The following DPP6 variants were observed in gnomAD, a reference collection of about 807,000 sequenced individuals.
The protein encoded by DPP6 is A-type potassium channel modulatory protein DPP6.
In DPP6, 69 loss-of-function variants were observed where a neutral mutation model predicts 122.6. That is an observed-to-expected ratio of 0.56 (90% CI 0.46 to 0.69). The LOEUF (loss-of-function observed/expected upper bound fraction) is 0.69. Ranked by LOEUF, DPP6 falls within the 30% of genes least tolerant of loss-of-function variation. The probability of loss-of-function intolerance (pLI) is 0.00; values close to 1 mark genes in which losing one functional copy is unlikely to be tolerated. For synonymous variants in DPP6, 418 were observed against 433.1 expected (o/e 0.97, Z 0.43); for missense variants, 928 against 1,116.9 (o/e 0.83, Z 2.41).
chr7:153,973,578 G>A (rs1230652012), intron 1 of DPP6, among the ~76,000 whole-genome samples: 3 of 151,882 alleles, frequency 2.0e-5, no homozygotes, highest in Non-Finnish European at 4.4e-5. Flanking sequence ...CAAGCAACAG[G>A]GGTGGGAGTC....
intron 1 of DPP6, among the ~76,000 whole-genome samples, chr7:154,220,755 C>T (rs1800257889): frequency 6.6e-6 from 1 of 152,104 alleles, no homozygotes; most frequent in Non-Finnish European, 1.5e-5. Context: ...GTTATAGCAG[C>T]ATGAATGGAC....
At chr7:154,662,378 T>C (rs34954125) in intron 6 of DPP6, among the ~76,000 whole-genome samples, 8,381 of 136,406 alleles carry the variant, frequency 0.061, no homozygotes, top group Non-Finnish European at 0.095. Flanking sequence ...CATGGCGTAT[T>C]GGCCCTAGTG....
chr7:154,329,086 A>G (rs1808694838), intron 1 of DPP6, among the ~76,000 whole-genome samples: 3 of 152,252 alleles, frequency 2.0e-5, no homozygotes, highest in Admixed American at 2.0e-4. Context: ...AGCCCTACTT[A>G]TCTCTTAAGG....
At chr7:154,715,698 C>A (rs998562795) in intron 7 of DPP6, among the ~76,000 whole-genome samples, 2 of 152,178 alleles carry the variant, frequency 1.3e-5, no homozygotes, top group African/African-American at 4.8e-5. Flanking sequence ...TCACCCTCAG[C>A]TGTACGCTTT....
intron 1 of DPP6, among the ~76,000 whole-genome samples, chr7:154,134,712 GTGAGCTTACACTTCCCA>G (rs1795455173): frequency 2.0e-5 from 3 of 152,236 alleles, no homozygotes; most frequent in South Asian, 4.1e-4. Flanking sequence ...TACACTTCCT[GTGAGCTTACACTTCCCA>G]TGAGCTTACA....
intron 4 of DPP6, among the ~76,000 whole-genome samples, chr7:154,551,112 TTTTACAAA>T (rs796435056): frequency 3.9e-5 from 6 of 152,346 alleles, no homozygotes; most frequent in African/African-American, 1.4e-4. Context: ...TAAGTTTGAT[TTTTACAAA>T]CTTCTTTTAC....
intron 1 of DPP6, among the ~76,000 whole-genome samples, chr7:154,165,866 A>G (rs967454804): frequency 1.3e-5 from 2 of 152,236 alleles, no homozygotes; most frequent in African/African-American, 4.8e-5. Context: ...CCTCAGAAAG[A>G]AAGAGGAGAC....
At chr7:154,044,519 A>G (rs1799922009) in intron 1 of DPP6, among the ~76,000 whole-genome samples, 1 of 152,178 alleles carries the variant, frequency 6.6e-6, no homozygotes, top group Admixed American at 6.5e-5. Flanking sequence ...TTGTGTGTAT[A>G]TTGATATTTG....
rs540982530 is a variant in DPP6 at position 154,829,311 on chromosome 7, A to G, written c.1666+22199A>G. On this transcript the variant is annotated intron_variant, in intron 16 of 25. Transcript: ENST00000377770. ...GGCAGAAGGATTGCTTGAACCTGGGAGGTCGAGGCTGCAGTGAGCTGTGAT... is the reference window on the plus strand; with the variant it reads ...GGCAGAAGGATTGCTTGAACCTGGGGGGTCGAGGCTGCAGTGAGCTGTGAT... Among the ~76,000 whole-genome samples, 5 of 151,554 alleles carry G rather than the reference A, an allele frequency of 3.3e-5. No homozygotes were observed. In the East Asian group the frequency reaches 7.9e-4, roughly 24 times the overall value.
At chr7:153,891,884 G>C (rs1007784258) in intron 1 of DPP6, among the ~76,000 whole-genome samples, 1 of 152,180 alleles carries the variant, frequency 6.6e-6, no homozygotes, top group Non-Finnish European at 1.5e-5. Flanking sequence ...AGGAGGTTCA[G>C]ACCTAGGACA....
chr7:154,332,966 G>A (rs554599712), intron 1 of DPP6, among the ~76,000 whole-genome samples: 2 of 152,154 alleles, frequency 1.3e-5, no homozygotes, highest in African/African-American at 2.4e-5. Context: ...TCTCAGGCGC[G>A]GGAGGCTCGC....
intron 1 of DPP6, among the ~76,000 whole-genome samples, chr7:154,349,857 A>G (rs1389942433): frequency 1.3e-5 from 2 of 152,204 alleles, no homozygotes; most frequent in Admixed American, 6.5e-5. Flanking sequence ...CATTTTAGTC[A>G]GTTATTCTAG....
chr7:154,587,794 C>T (rs753617767), intron 5 of DPP6: 13 of 1,611,950 alleles, frequency 8.1e-6, no homozygotes, highest in Admixed American at 3.3e-5. Context: ...TCACTGCCTG[C>T]GTGACTATGT....
intron 17 of DPP6, chr7:154,858,132 T>C (rs1046613172): frequency 6.6e-6 from 1 of 152,176 alleles, no homozygotes; most frequent in African/African-American, 2.4e-5. Context: ...GTAGTAACAA[T>C]AGTGGCCCCA....
intron 7 of DPP6, among the ~76,000 whole-genome samples, chr7:154,703,035 AAGTCTACTCCGCCT>A (rs1840612304): frequency 2.6e-5 from 4 of 152,228 alleles, no homozygotes; most frequent in Admixed American, 2.6e-4. Context: ...GAGTGATGTT[AAGTCTACTCCGCCT>A]ATGCTCTGTA....
chr7:154,325,565 T>A (rs1199959368), intron 1 of DPP6, among the ~76,000 whole-genome samples: 1 of 152,190 alleles, frequency 6.6e-6, no homozygotes, highest in African/African-American at 2.4e-5. Context: ...CTAGCTGGAA[T>A]CTCTCCTGTG....
chr7:154,062,042 A>T (rs1468476906), intron 1 of DPP6, among the ~76,000 whole-genome samples: 1 of 100,502 alleles, frequency 1.0e-5, no homozygotes, highest in African/African-American at 3.8e-5. Flanking sequence ...CCCGCGAGGC[A>T]GGGACTGACA....
At chr7:154,745,902 C>G (rs1406985725) in intron 8 of DPP6, among the ~76,000 whole-genome samples, 1 of 151,848 alleles carries the variant, frequency 6.6e-6, no homozygotes, top group Non-Finnish European at 1.5e-5. Flanking sequence ...ACCCACACAC[C>G]TCCCACTAGA....
chr7:154,224,361 C>G (rs1259000000), intron 1 of DPP6, among the ~76,000 whole-genome samples: 1 of 148,470 alleles, frequency 6.7e-6, no homozygotes, highest in Non-Finnish European at 1.5e-5. Context: ...AAAATAAAAT[C>G]CATGTGGCAA....
Sources: allele counts gnomAD v4.1 joint callset (sites outside exome capture counted in the v4.1 genomes callset), GRCh38; gene constraint gnomAD v4.1.1; transcripts MANE v1.5; gene names NCBI Gene and HGNC (gene_info 2026-07-23, HGNC 2026-07-21).